CACNA2D3: variants seen among roughly 807,000 people sequenced by gnomAD.
The protein encoded by CACNA2D3 is calcium voltage-gated channel auxiliary subunit alpha2delta 3.
Under a neutral mutation model 160.6 loss-of-function variants are expected in CACNA2D3, and 60 were observed. The ratio of observed to expected loss-of-function variants is 0.37; its 90% CI spans 0.30 to 0.46. CACNA2D3 has a LOEUF of 0.46. CACNA2D3 is among the 20% of genes least tolerant of loss of function. The pLI, the probability that CACNA2D3 is intolerant of heterozygous loss-of-function variation, is 1.00. For missense variants in CACNA2D3, 1,205 were observed against 1,365.0 expected (o/e 0.88, Z 1.85); for synonymous variants, 558 against 492.9 (o/e 1.13, Z -1.75).
At chr3:54,692,165 G>C (rs1419829313) in intron 11 of CACNA2D3, among the ~76,000 whole-genome samples, 1 of 152,092 alleles carries the variant, frequency 6.6e-6, no homozygotes, top group African/African-American at 2.4e-5. Context: ...GTAGTGACAG[G>C]GTTTCACCAT....
intron 13 of CACNA2D3, among the ~76,000 whole-genome samples, chr3:54,779,559 C>A (rs1702493111): frequency 1.3e-5 from 2 of 152,198 alleles, no homozygotes; most frequent in South Asian, 4.1e-4. Context: ...TCAATAGTGC[C>A]TCACCATCGC....
intron 2 of CACNA2D3, among the ~76,000 whole-genome samples, chr3:54,191,941 G>A (rs1024135821): frequency 6.6e-6 from 1 of 152,186 alleles, no homozygotes. Context: ...GAACCGGGAA[G>A]TGGGGGGATT....
intron 3 of CACNA2D3, among the ~76,000 whole-genome samples, chr3:54,350,122 T>G (rs553159182): frequency 2.0e-5 from 3 of 152,188 alleles, no homozygotes; most frequent in Non-Finnish European, 2.9e-5. Flanking sequence ...CCCCTTCCAG[T>G]TGAAATTCTG....
At chr3:55,018,178 A>C (rs1387189873) in intron 34 of CACNA2D3, 28 bp from the exon 35 acceptor site, 1 of 1,451,562 alleles carries the variant, frequency 6.9e-7, no homozygotes, top group Non-Finnish European at 9.6e-7. Flanking sequence ...TGCATTCTTT[A>C]CCTTTTTTTT....
In CACNA2D3 at chr3:54,969,261, A is replaced by ATTTTTTTT. The variant is rs139722160; in HGVS notation, c.2512-539_2512-538insTTTTTTTT. Reference sequence around the variant, plus strand: ...ACTGTTTAATGACAACATAAAGTAGACTTTTTTTTTTTTTTTTTGAGATAG... The same window carrying ATTTTTTTT: ...ACTGTTTAATGACAACATAAAGTAGATTTTTTTTCTTTTTTTTTTTTTTTTTGAGATAG... On this transcript the variant is annotated intron_variant, in intron 28 of 37. Coordinates refer to ENST00000474759, the MANE Select transcript of CACNA2D3 (RefSeq NM_018398.3). Among the ~76,000 whole-genome samples the ATTTTTTTT allele has an allele frequency of 6.8e-4, 87 of 127,804 alleles. 1 individual carries two copies. The highest frequency in any genetic ancestry group is 1.0e-3 in the African/African-American group (38 of 36,202). 83.8% of individuals were successfully genotyped at this position (127,804 alleles called of 152,430 possible). A position where few individuals can be genotyped will look rare whatever the true frequency, so the allele number is the denominator to read the frequency against.
chr3:55,067,391 T>A (rs981916729), intron 35 of CACNA2D3, among the ~76,000 whole-genome samples: 9 of 152,222 alleles, frequency 5.9e-5, no homozygotes, highest in Non-Finnish European at 1.5e-5. Context: ...TCTGCCCCGG[T>A]TACTCTAGGT....
At chr3:54,720,927 A>G (rs1254543855) in intron 11 of CACNA2D3, among the ~76,000 whole-genome samples, 1 of 152,164 alleles carries the variant, frequency 6.6e-6, no homozygotes, top group East Asian at 1.9e-4. Context: ...AATAGTGGCT[A>G]TTCAATGTAA....
At chr3:54,383,159 G>A (rs1699131746) in intron 3 of CACNA2D3, among the ~76,000 whole-genome samples, 1 of 152,196 alleles carries the variant, frequency 6.6e-6, no homozygotes, top group African/African-American at 2.4e-5. Context: ...ATCTATGGGA[G>A]ATGGTTTTCT....
intron 13 of CACNA2D3, among the ~76,000 whole-genome samples, chr3:54,807,694 C>G (rs1302449208): frequency 1.3e-5 from 2 of 151,764 alleles, no homozygotes; most frequent in African/African-American, 2.4e-5. Context: ...ACCCAGCCAT[C>G]CCATTACTGG....
intron 2 of CACNA2D3, among the ~76,000 whole-genome samples, chr3:54,245,720 C>T (rs1702059862): frequency 1.3e-5 from 2 of 152,204 alleles, no homozygotes; most frequent in South Asian, 4.1e-4. Flanking sequence ...CCCAGTCTCT[C>T]ATCAGTGTCA....
intron 6 of CACNA2D3, among the ~76,000 whole-genome samples, chr3:54,569,377 C>T (rs1702458513): frequency 6.6e-6 from 1 of 152,162 alleles, no homozygotes; most frequent in South Asian, 2.1e-4. Context: ...AACCCCCCTC[C>T]TGTAGACATT....
At chr3:55,063,087 G>A (rs1265398387) in intron 35 of CACNA2D3, among the ~76,000 whole-genome samples, 1 of 152,180 alleles carries the variant, frequency 6.6e-6, no homozygotes, top group African/African-American at 2.4e-5. Flanking sequence ...GAGAAGGACG[G>A]CTTAATGGAG....
At chr3:54,346,029 G>T (rs117235605) in intron 3 of CACNA2D3, among the ~76,000 whole-genome samples, 1 of 135,590 alleles carries the variant, frequency 7.4e-6, no homozygotes, top group Admixed American at 7.4e-5. Context: ...GTGGAGGCTG[G>T]GGGTAAGGGA....
At chr3:54,741,420 T>C (rs1300977184) in intron 11 of CACNA2D3, among the ~76,000 whole-genome samples, 1 of 152,152 alleles carries the variant, frequency 6.6e-6, no homozygotes, top group Non-Finnish European at 1.5e-5. Context: ...GGTTCTATGA[T>C]GTTGACCAAT....
intron 11 of CACNA2D3, among the ~76,000 whole-genome samples, chr3:54,665,519 A>G (rs1247913624): frequency 8.3e-6 from 1 of 119,988 alleles, no homozygotes; most frequent in Admixed American, 9.5e-5. Flanking sequence ...ATTTCCATTA[A>G]GAAAATCAGT....
chr3:54,300,819 A>G (rs1193607286), intron 2 of CACNA2D3, among the ~76,000 whole-genome samples: 4 of 152,140 alleles, frequency 2.6e-5, no homozygotes, highest in Non-Finnish European at 4.4e-5. Flanking sequence ...GTTCAAGACC[A>G]GCCTGGGCAA....
chr3:54,256,441 G>A (rs1302400668), intron 2 of CACNA2D3, among the ~76,000 whole-genome samples: 1 of 152,180 alleles, frequency 6.6e-6, no homozygotes, highest in Admixed American at 6.5e-5. Context: ...AGGAATATGG[G>A]CAGCTTTTGT....
chr3:54,332,583 C>T (rs73841974), intron 3 of CACNA2D3, among the ~76,000 whole-genome samples: 4,819 of 152,262 alleles, frequency 0.032, 222 homozygotes, highest in African/African-American at 0.093. Context: ...GAGAATTGGA[C>T]TGGGGAGTGA....
chr3:54,403,417 T>C (rs913179540), intron 4 of CACNA2D3, among the ~76,000 whole-genome samples: 1 of 150,742 alleles, frequency 6.6e-6, no homozygotes, highest in African/African-American at 2.5e-5. Flanking sequence ...AATAAAAATA[T>C]CTTGAGACAA....
Sources: allele counts gnomAD v4.1 joint callset (sites outside exome capture counted in the v4.1 genomes callset), GRCh38; gene constraint gnomAD v4.1.1; transcripts MANE v1.5; gene names NCBI Gene and HGNC (gene_info 2026-07-23, HGNC 2026-07-21).